GPC5: variants seen among roughly 807,000 people sequenced by gnomAD.
GPC5 encodes glypican-5.
Under a neutral mutation model 53.9 loss-of-function variants are expected in GPC5, and 47 were observed. The observed-to-expected ratio is 0.87, with a 90% CI of 0.69 to 1.11. The LOEUF (loss-of-function observed/expected upper bound fraction) is 1.11, where lower values mean the gene tolerates loss of function less well. Among genes scored for constraint, GPC5 ranks in the 50% most tolerant of loss-of-function variants. GPC5 has a pLI of 0.00. For missense variants in GPC5, 748 were observed against 713.1 expected, an observed-to-expected ratio of 1.05 and a Z score of -0.56; for synonymous variants, 286 against 263.3, an observed-to-expected ratio of 1.09 and a Z score of -0.84.
intron 7 of GPC5, among the ~76,000 whole-genome samples, chr13:92,564,969 G>T (rs528030442): frequency 2.0e-5 from 3 of 152,006 alleles, no homozygotes; most frequent in Admixed American, 6.6e-5. Context: ...AGGCAGAACT[G>T]CATTAAACAC....
chr13:92,543,278 T>C (rs1881986881), intron 7 of GPC5, among the ~76,000 whole-genome samples: 1 of 152,084 alleles, frequency 6.6e-6, no homozygotes, highest in Non-Finnish European at 1.5e-5. Context: ...ATTGTGTGTT[T>C]TATTTTATTC....
intron 7 of GPC5, among the ~76,000 whole-genome samples, chr13:92,639,532 T>C (rs1885519078): frequency 6.6e-6 from 1 of 152,232 alleles, no homozygotes. Context: ...CAGAACAGTG[T>C]ACTACTCAAG....
At chr13:92,188,585 G>A (rs2042200599) in intron 7 of GPC5, among the ~76,000 whole-genome samples, 1 of 152,050 alleles carries the variant, frequency 6.6e-6, no homozygotes, top group South Asian at 2.1e-4. Context: ...TACCTATGAT[G>A]CTCATTGTTT....
chr13:92,373,085 T>C (rs1354457296), intron 7 of GPC5, among the ~76,000 whole-genome samples: 1 of 152,198 alleles, frequency 6.6e-6, no homozygotes, highest in African/African-American at 2.4e-5. Context: ...AGTATATATA[T>C]TATTTTGTTC....
chr13:91,642,377 A>G (rs1040749907), intron 2 of GPC5, among the ~76,000 whole-genome samples: 6 of 152,202 alleles, frequency 3.9e-5, no homozygotes, highest in Non-Finnish European at 8.8e-5. Context: ...GAGGATGAAA[A>G]ACACAACACA....
intron 2 of GPC5, among the ~76,000 whole-genome samples, chr13:91,489,910 T>G (rs1883839178): frequency 6.6e-6 from 1 of 152,186 alleles, no homozygotes; most frequent in Non-Finnish European, 1.5e-5. Flanking sequence ...TGATCACTCT[T>G]AAGCATCTTT....
intron 5 of GPC5, among the ~76,000 whole-genome samples, chr13:91,782,343 A>C (rs2037811036): frequency 6.6e-6 from 1 of 152,186 alleles, no homozygotes; most frequent in Non-Finnish European, 1.5e-5. Context: ...CCCATTTATA[A>C]AAGAAAGAGG....
At chr13:91,411,549 T>C (rs1307240708) in intron 1 of GPC5, among the ~76,000 whole-genome samples, 1 of 152,134 alleles carries the variant, frequency 6.6e-6, no homozygotes, top group Non-Finnish European at 1.5e-5. Context: ...GGGGCAGACA[T>C]AGGTCTCACC....
intron 6 of GPC5, among the ~76,000 whole-genome samples, chr13:91,915,688 A>G (rs1042495595): frequency 6.6e-6 from 1 of 152,160 alleles, no homozygotes; most frequent in Non-Finnish European, 1.5e-5. Flanking sequence ...ATAGGCTAAA[A>G]CTTTTATATA....
intron 7 of GPC5, among the ~76,000 whole-genome samples, chr13:92,354,855 AG>A (rs2043509194): frequency 6.6e-6 from 1 of 152,108 alleles, no homozygotes; most frequent in Non-Finnish European, 1.5e-5. Context: ...TTTCTGTAAA[AG>A]AGGGGGTGGT....
intron 5 of GPC5, among the ~76,000 whole-genome samples, chr13:91,888,280 A>T (rs1259114118): frequency 6.6e-6 from 1 of 152,166 alleles, no homozygotes; most frequent in Non-Finnish European, 1.5e-5. Context: ...ACCCACTCCC[A>T]TGATTCAATT....
At chr13:92,253,229 A>G (rs1378494286) in intron 7 of GPC5, among the ~76,000 whole-genome samples, 3 of 152,094 alleles carry the variant, frequency 2.0e-5, no homozygotes, top group Non-Finnish European at 2.9e-5. Flanking sequence ...GGTAACAAAG[A>G]AAAGAGTGAG....
chr13:92,667,595 A>G (rs1346366378), intron 7 of GPC5, among the ~76,000 whole-genome samples: 2 of 152,152 alleles, frequency 1.3e-5, no homozygotes, highest in Admixed American at 1.3e-4. Flanking sequence ...ATTGTCATCT[A>G]TGAGAGAGCT....
At chr13:91,638,024 C>T (rs1334491323) in intron 2 of GPC5, among the ~76,000 whole-genome samples, 1 of 152,092 alleles carries the variant, frequency 6.6e-6, no homozygotes, top group Non-Finnish European at 1.5e-5. Context: ...AATCAACAGG[C>T]AGAGAGAAAA....
At chr13:92,637,858 T>C (rs1192002154) in intron 7 of GPC5, among the ~76,000 whole-genome samples, 6 of 152,118 alleles carry the variant, frequency 3.9e-5, no homozygotes, top group Non-Finnish European at 7.4e-5. Context: ...GTATCTATGT[T>C]TGAAAAGGTA....
intron 7 of GPC5, among the ~76,000 whole-genome samples, chr13:92,652,681 A>G (rs2139168642): frequency 6.6e-6 from 1 of 152,296 alleles, no homozygotes; most frequent in East Asian, 1.9e-4. Context: ...GCTAATTTCT[A>G]GTATACAAAC....
At chr13:92,829,850 G>C (rs779051871) in intron 7 of GPC5, among the ~76,000 whole-genome samples, 2 of 152,064 alleles carry the variant, frequency 1.3e-5, no homozygotes, top group African/African-American at 2.4e-5. Flanking sequence ...ACTGCCAAAA[G>C]TAGATAGAGA....
intron 5 of GPC5, among the ~76,000 whole-genome samples, chr13:91,782,154 C>T (rs947992576): frequency 7.2e-5 from 11 of 152,174 alleles, no homozygotes; most frequent in Admixed American, 7.2e-4. Flanking sequence ...GGCTGTTTCT[C>T]AGGCATTCCA....
At chr13:91,775,812 T>C (rs1423452099) in intron 5 of GPC5, among the ~76,000 whole-genome samples, 2 of 152,172 alleles carry the variant, frequency 1.3e-5, no homozygotes, top group Non-Finnish European at 2.9e-5. Flanking sequence ...TGAGTGAGTG[T>C]CCCAGGTTTC....
Sources: gnomAD v4.1 joint callset for allele counts (sites outside exome capture counted in the v4.1 genomes callset) on GRCh38, gnomAD v4.1.1 for gene constraint, MANE v1.5 for transcripts, NCBI Gene and HGNC (gene_info 2026-07-23, HGNC 2026-07-21) for gene names.